The following CLDN10 variants were observed in gnomAD, a reference collection of about 807,000 sequenced individuals.
CLDN10 encodes claudin-10.
In CLDN10, 15 loss-of-function variants were observed where a neutral mutation model predicts 22.9. The ratio of observed to expected loss-of-function variants is 0.65; its 90% confidence interval spans 0.44 to 1.01. The LOEUF (loss-of-function observed/expected upper bound fraction) is 1.01, where lower values mean the gene tolerates loss of function less well. CLDN10 is among the 50% of genes least tolerant of loss of function. The pLI, the probability that CLDN10 is intolerant of heterozygous loss-of-function variation, is 0.00. For synonymous variants in CLDN10, 114 were observed against 111.4 expected (o/e 1.02, Z -0.15); for missense variants, 247 against 287.8 (o/e 0.86, Z 1.03).
intron 1 of CLDN10, among the ~76,000 whole-genome samples, chr13:95,468,430 G>C (rs542915326): frequency 9.2e-5 from 14 of 152,124 alleles, no homozygotes; most frequent in Non-Finnish European, 1.8e-4. Context: ...ATGGTATTTA[G>C]AGTGCATTAG....
At chr13:95,480,538 AAGCTCCTGCCCACTGGGAGCC>A (rs2042735397) in intron 1 of CLDN10, among the ~76,000 whole-genome samples, 1 of 152,150 alleles carries the variant, frequency 6.6e-6, no homozygotes, top group Non-Finnish European at 1.5e-5. Context: ...TTCTCCCCTG[AAGCTCCTGCCCACTGGGAGCC>A]AGCTCCTGTC....
At chr13:95,564,441 G>A (rs571929565) in intron 3 of CLDN10, among the ~76,000 whole-genome samples, 1 of 152,172 alleles carries the variant, frequency 6.6e-6, no homozygotes, top group Non-Finnish European at 1.5e-5. Flanking sequence ...CTTAGGAAGC[G>A]CAGTGAGAGA....
At chr13:95,552,586 T>C, upstream of CLDN10, 4 of 721,396 alleles carry the variant, frequency 5.5e-6, no homozygotes, top group South Asian at 5.0e-5. Context: ...GGACAGGGCA[T>C]GGGTGTGAGG....
intron 1 of CLDN10, among the ~76,000 whole-genome samples, chr13:95,529,691 C>T (rs1396505107): frequency 3.9e-5 from 6 of 152,152 alleles, no homozygotes; most frequent in African/African-American, 1.4e-4. Flanking sequence ...TCTTTCCCTA[C>T]TTGTCTACAT....
At chr13:95,495,421 T>G (rs1357058848) in intron 1 of CLDN10, among the ~76,000 whole-genome samples, 1 of 151,964 alleles carries the variant, frequency 6.6e-6, no homozygotes, top group Non-Finnish European at 1.5e-5. Flanking sequence ...AGCCTTTTAT[T>G]TGAGTCCATG....
At chr13:95,442,674 A>T (rs907946609) in intron 1 of CLDN10, among the ~76,000 whole-genome samples, 1 of 152,184 alleles carries the variant, frequency 6.6e-6, no homozygotes, top group Non-Finnish European at 1.5e-5. Flanking sequence ...AAAAAGAGCA[A>T]ATGTTTACTT....
chr13:95,487,522 G>A lies in CLDN10; in HGVS notation c.214+53475G>A, dbSNP rs149057630. Reference sequence around the variant, plus strand: ...ACATTTTATCTTCCCTCCTAGACCAGGAGTTTCATTAGGAAAAAAAGAAAT... The same window carrying A: ...ACATTTTATCTTCCCTCCTAGACCAAGAGTTTCATTAGGAAAAAAAGAAAT... On this transcript the variant is annotated intron_variant, in intron 1 of 4. Transcript: ENST00000376873. Among the ~76,000 whole-genome samples, 1,029 of 152,158 alleles carry A rather than the reference G, an allele frequency of 6.8e-3. 11 individuals carry two copies. Among genetic ancestry groups the A allele is most frequent in the African/African-American group, 0.022 (919 of 41,514 alleles).
chr13:95,483,853 C>T (rs2042775963), intron 1 of CLDN10, among the ~76,000 whole-genome samples: 1 of 152,212 alleles, frequency 6.6e-6, no homozygotes, highest in African/African-American at 2.4e-5. Context: ...TGTTAAAATG[C>T]TAACCCCCAA....
intron 1 of CLDN10, among the ~76,000 whole-genome samples, chr13:95,469,921 A>G (rs2042614503): frequency 6.6e-6 from 1 of 152,198 alleles, no homozygotes; most frequent in African/African-American, 2.4e-5. Context: ...TGGAGACACT[A>G]TGTCAAACAT....
intron 1 of CLDN10, among the ~76,000 whole-genome samples, chr13:95,444,446 G>C (rs948546186): frequency 6.6e-6 from 1 of 152,198 alleles, no homozygotes; most frequent in African/African-American, 2.4e-5. Flanking sequence ...CAGAATATAG[G>C]CTCTGAGGAC....
At chr13:95,500,279 C>T (rs1013276556) in intron 1 of CLDN10, among the ~76,000 whole-genome samples, 8 of 151,502 alleles carry the variant, frequency 5.3e-5, no homozygotes, top group African/African-American at 2.0e-4. Context: ...ATGTTGCATG[C>T]GAGTGAGGCG....
intron 1 of CLDN10, among the ~76,000 whole-genome samples, chr13:95,514,446 C>T (rs1027944517): frequency 7.2e-6 from 1 of 138,490 alleles, no homozygotes; most frequent in South Asian, 2.7e-4. Context: ...AGCAAACAAC[C>T]AATAATGGTG....
At chr13:95,475,355 C>G (rs1300484137) in intron 1 of CLDN10, among the ~76,000 whole-genome samples, 1 of 152,198 alleles carries the variant, frequency 6.6e-6, no homozygotes, top group Non-Finnish European at 1.5e-5. Flanking sequence ...GTAACCAGCC[C>G]GGCCTCCTGG....
intron 1 of CLDN10, among the ~76,000 whole-genome samples, chr13:95,441,770 G>A (rs2042326546): frequency 6.6e-6 from 1 of 152,132 alleles, no homozygotes; most frequent in South Asian, 2.1e-4. Context: ...CTGGAGTTTG[G>A]CCTTAGGAAT....
At chr13:95,471,013 A>G (rs1360386838) in intron 1 of CLDN10, among the ~76,000 whole-genome samples, 1 of 152,152 alleles carries the variant, frequency 6.6e-6, no homozygotes, top group Non-Finnish European at 1.5e-5. Context: ...AGAGGGGGAA[A>G]GGAGACGAGA....
At chr13:95,498,606 G>A (rs111998434) in intron 1 of CLDN10, among the ~76,000 whole-genome samples, 4 of 152,182 alleles carry the variant, frequency 2.6e-5, no homozygotes, top group South Asian at 2.1e-4. Flanking sequence ...TGTTTGCCAG[G>A]CTGGTCTCAA....
chr13:95,552,062 C>A (rs1266909047), upstream of CLDN10, among the ~76,000 whole-genome samples: 1 of 152,202 alleles, frequency 6.6e-6, no homozygotes, highest in Non-Finnish European at 1.5e-5. Flanking sequence ...TCAGGATGCC[C>A]CATCTGCTGC....
At chr13:95,476,450 A>T (rs545138355) in intron 1 of CLDN10, among the ~76,000 whole-genome samples, 24 of 152,254 alleles carry the variant, frequency 1.6e-4, no homozygotes, top group African/African-American at 5.5e-4. Flanking sequence ...AGCCTTCTGT[A>T]TAAGGGCACT....
chr13:95,508,801 G>T (rs904250893), intron 1 of CLDN10, among the ~76,000 whole-genome samples: 1 of 152,208 alleles, frequency 6.6e-6, no homozygotes, highest in Non-Finnish European at 1.5e-5. Flanking sequence ...CGGGTAGTCT[G>T]GTGGGTTCCA....
Sources: allele counts gnomAD v4.1 joint callset (sites outside exome capture counted in the v4.1 genomes callset), GRCh38; gene constraint gnomAD v4.1.1; transcripts MANE v1.5; gene names NCBI Gene and HGNC (gene_info 2026-07-23, HGNC 2026-07-21).